KIF1B: variants seen among roughly 807,000 people sequenced by gnomAD.
The protein encoded by KIF1B is kinesin family member 1B.
KIF1B carries 76 observed loss-of-function variants against 241.9 expected under a neutral mutation model. That is an observed-to-expected ratio of 0.31 (90% CI 0.26 to 0.38). KIF1B has a LOEUF of 0.38. Ranked by LOEUF, KIF1B falls within the 10% of genes least tolerant of loss-of-function variation. The pLI is 1.00. For synonymous variants in KIF1B, 750 were observed against 796.7 expected (o/e 0.94, Z 0.99); for missense variants, 1,622 against 2,271.4 (o/e 0.71, Z 5.81).
intron 15 of KIF1B, among the ~76,000 whole-genome samples, chr1:10,283,546 T>G (rs1247460155): frequency 1.3e-5 from 2 of 152,256 alleles, no homozygotes; most frequent in Non-Finnish European, 2.9e-5. Context: ...CTGCTTCTCT[T>G]CCTCCTCAAT....
chr1:10,295,594 A>G, intron 18 of KIF1B, 66 bp from the exon 19 acceptor site: 2 of 1,349,086 alleles, frequency 1.5e-6, no homozygotes, highest in Non-Finnish European at 2.1e-6. Context: ...TGGAATAAAG[A>G]GGTTCATTGT....
At chr1:10,249,125 G>A (rs565800467) in intron 2 of KIF1B, among the ~76,000 whole-genome samples, 1 of 152,172 alleles carries the variant, frequency 6.6e-6, no homozygotes, top group African/African-American at 2.4e-5. Flanking sequence ...GTGACCCTGG[G>A]GGTGGGTACT....
chr1:10,372,777 C>A (rs1406473804), intron 45 of KIF1B, among the ~76,000 whole-genome samples: 2 of 148,754 alleles, frequency 1.3e-5, no homozygotes, highest in Non-Finnish European at 3.0e-5. Context: ...CTACAGGTGC[C>A]CGCCACCACA....
At chr1:10,235,333 A>G (rs1405860642) in intron 2 of KIF1B, among the ~76,000 whole-genome samples, 5 of 151,774 alleles carry the variant, frequency 3.3e-5, no homozygotes, top group East Asian at 1.9e-4. Context: ...GCTCACTGCA[A>G]CTTCCGCCTC....
At chr1:10,276,608 T>C (rs938872628) in intron 12 of KIF1B, among the ~76,000 whole-genome samples, 13 of 152,244 alleles carry the variant, frequency 8.5e-5, no homozygotes, top group East Asian at 1.9e-4. Flanking sequence ...GGGAAAGATA[T>C]GAACTTTTTA....
intron 22 of KIF1B, among the ~76,000 whole-genome samples, chr1:10,318,309 CT>C (rs1254394378): frequency 1.3e-5 from 2 of 151,568 alleles, no homozygotes; most frequent in East Asian, 3.9e-4. Context: ...TTCAGCAGTG[CT>C]TTATGATGCA....
At chr1:10,261,226 C>G (rs1648124011) in intron 4 of KIF1B, among the ~76,000 whole-genome samples, 1 of 151,570 alleles carries the variant, frequency 6.6e-6, no homozygotes, top group African/African-American at 2.4e-5. Flanking sequence ...CTTGGCCTCC[C>G]AAAGTGCTGA....
intron 2 of KIF1B, among the ~76,000 whole-genome samples, chr1:10,233,549 C>T (rs1647009582): frequency 6.6e-6 from 1 of 151,984 alleles, no homozygotes; most frequent in Non-Finnish European, 1.5e-5. Context: ...GGCTAAACAG[C>T]TGTACCATTG....
At chr1:10,285,559 C>T (rs1569707841) in intron 15 of KIF1B, among the ~76,000 whole-genome samples, 1 of 152,160 alleles carries the variant, frequency 6.6e-6, no homozygotes, top group African/African-American at 2.4e-5. Context: ...TTCCTTACGC[C>T]AAAATAAAGA....
chr1:10,348,605 A>G, intron 36 of KIF1B, 44 bp from the exon 37 acceptor site: 1 of 1,436,522 alleles, frequency 7.0e-7, no homozygotes, highest in South Asian at 1.2e-5. Context: ...GAGAGGAGAT[A>G]ATAGATTGCT....
At chr1:10,254,315 T>G (rs1647634037) in intron 2 of KIF1B, among the ~76,000 whole-genome samples, 1 of 152,230 alleles carries the variant, frequency 6.6e-6, no homozygotes, top group Non-Finnish European at 1.5e-5. Flanking sequence ...TTTTGGCTGC[T>G]AACTTACCTA....
intron 10 of KIF1B, among the ~76,000 whole-genome samples, chr1:10,273,595 AT>A (rs1648919396): frequency 6.7e-6 from 1 of 150,182 alleles, no homozygotes; most frequent in Non-Finnish European, 1.5e-5. Flanking sequence ...TGACTTTCTG[AT>A]TGGTGGATTG....
In KIF1B at chr1:10,365,626, G is replaced by A. The variant is rs375649183; in HGVS notation, c.4730G>A (p.Arg1577Gln). The A allele has an allele frequency of 4.3e-6, 7 of 1,614,022 alleles. No homozygotes were observed. The highest frequency in any genetic ancestry group is 2.2e-5 in the East Asian group (1 of 44,886). Residue 1577 changes from arginine (R) to glutamine (Q), a missense_variant, in exon 43 of 49, where the codon CGA (arginine) becomes CAA (glutamine). By Grantham distance (43) the Arg-to-Gln change is conservative (BLOSUM62 1). Around this residue, in one of 7 missense-constraint regions of KIF1B, gnomAD observed 357 missense variants for 409.0 expected, o/e 0.87. Coordinates refer to ENST00000676179, the MANE Select transcript of KIF1B (RefSeq NM_001365951.3). The surrounding 1 kb of genome is among the most constrained non-coding windows in gnomAD (Gnocchi z 4.0). ...DSGDIESLVD[R>Q]EKELATKCLQ... The stretch of plus-strand genomic sequence containing the variant: ...GGAGACATCGAAAGCCTGGTGGACC[G>A]AGAGAAAGAGCTGGCTACCAAGGTG...
At position 10,380,319 on chromosome 1, in the gene KIF1B, C is replaced by T. The variant is rs897795768; in HGVS notation, c.*3732C>T. The T allele has an allele frequency of 2.9e-5, 6 of 209,144 alleles. No homozygotes were observed. Among genetic ancestry groups the T allele is most frequent in the Admixed American group, 1.8e-4 (3 of 16,888 alleles). 13.0% of individuals were successfully genotyped at this position (209,144 alleles called of 1,614,324 possible). On this transcript the variant is annotated 3_prime_UTR_variant, in exon 49 of 49. Coordinates refer to ENST00000676179, the MANE Select transcript of KIF1B (RefSeq NM_001365951.3). ...CATTTCCCTCGTGCTGTGTCCCGCT[C>T]GGGTTCCAATGGACAGTATCAGGGC...
rs540422614 is a variant in KIF1B, at chr1:10,252,480, G to A, written c.107-3767G>A. On this transcript the variant is annotated intron_variant, in intron 2 of 48. Coordinates refer to ENST00000676179, the MANE Select transcript of KIF1B (RefSeq NM_001365951.3). ...GGATGGAGTGCAGTGGCACAATCTT[G>A]GCTAACTGCAGCCTGGACCTCCCTG... Among the ~76,000 whole-genome samples, 6 of 151,938 alleles carry A rather than the reference G, an allele frequency of 3.9e-5. No homozygotes were observed. The South Asian group carries it at 1.0e-3, about 26-fold the overall frequency.
At chr1:10,351,597 C>T (rs958679566) in intron 37 of KIF1B, among the ~76,000 whole-genome samples, 16 of 152,242 alleles carry the variant, frequency 1.1e-4, no homozygotes, top group Non-Finnish European at 2.2e-4. Flanking sequence ...AAGTCCTTAA[C>T]GTCTATGCAA....
chr1:10,318,501 C>T (rs151101529), intron 22 of KIF1B, among the ~76,000 whole-genome samples: 2,910 of 151,532 alleles, frequency 0.019, 51 homozygotes, highest in Non-Finnish European at 0.028. Flanking sequence ...GTGGGCAGAT[C>T]GTGAGGTCAG....
At chr1:10,364,424 C>T (rs908252879) in intron 41 of KIF1B, among the ~76,000 whole-genome samples, 2 of 151,696 alleles carry the variant, frequency 1.3e-5, no homozygotes, top group Non-Finnish European at 2.9e-5. Flanking sequence ...AGGCTGGTCT[C>T]GAACTCCTGA....
At chr1:10,278,257 T>C (rs924736276) in intron 13 of KIF1B, 129 bp downstream of exon 13, 1 of 963,482 alleles carries the variant, frequency 1.0e-6, no homozygotes, top group Non-Finnish European at 1.5e-6. Context: ...GAAAATGTTT[T>C]GTTTTGTTTT....
Sources: gnomAD v4.1 joint callset for allele counts (sites outside exome capture counted in the v4.1 genomes callset) on GRCh38, gnomAD v4.1.1 for gene constraint, gnomAD v4.1.1 regional missense constraint, Gnocchi (gnomAD v3.1) non-coding constraint, MANE v1.5 for transcripts, NCBI Gene and HGNC (gene_info 2026-07-23, HGNC 2026-07-21) for gene names.